Variants in VPS13C observed in about 807,000 individuals in gnomAD.
VPS13C encodes intermembrane lipid transfer protein VPS13C.
In VPS13C, 358 loss-of-function variants were observed where a neutral mutation model predicts 456.8. The ratio of observed to expected loss-of-function variants is 0.78; its 90% CI spans 0.72 to 0.86. VPS13C has a LOEUF of 0.86. Ranked by LOEUF, VPS13C falls within the 40% of genes least tolerant of loss-of-function variation. The pLI is 0.00. For missense variants in VPS13C, 4,818 were observed against 4,385.4 expected (o/e 1.10, Z -2.79); for synonymous variants, 1,578 against 1,486.7 (o/e 1.06, Z -1.41).
intron 9 of VPS13C, among the ~76,000 whole-genome samples, chr15:62,018,009 G>A (rs921133572): frequency 3.3e-5 from 5 of 152,156 alleles, no homozygotes; most frequent in African/African-American, 9.7e-5. Flanking sequence ...CACGTCCCTT[G>A]TAAGTTGGAT....
chr15:61,903,030 T>A (rs985476895), intron 66 of VPS13C, among the ~76,000 whole-genome samples: 2 of 151,700 alleles, frequency 1.3e-5, no homozygotes, highest in Non-Finnish European at 2.9e-5. Context: ...AAAATCAATA[T>A]ATTAAAATCA....
In VPS13C at chr15:61,909,096, A is replaced by G; in HGVS notation, c.8874T>C (p.Thr2958=). 1 of 1,613,830 alleles carries G rather than the reference A, an allele frequency of 6.2e-7. No individual in the cohort carries two copies. Among genetic ancestry groups the G allele is most frequent in the Non-Finnish European group, 8.5e-7 (1 of 1,179,944 alleles). ...AAGTTATGACAGTTGAATGTTCGGC[A>G]GTGTTTACATCCACCAAGATACCCC... The part of the protein sequence containing the change: ...LNGGILVDVN[T]AEHSTVITFS... The change falls in exon 65 of 85, where the codon ACT becomes ACC. Residue 2958 remains threonine (T), a synonymous_variant. Coordinates refer to ENST00000644861, the MANE Select transcript of VPS13C (RefSeq NM_020821.3).
intron 1 of VPS13C, among the ~76,000 whole-genome samples, chr15:62,055,943 A>C (rs114295182): frequency 0.011 from 1,706 of 152,184 alleles, 30 homozygotes; most frequent in African/African-American, 0.039. Context: ...GTTTAGCAGT[A>C]CTCCAGGGTC....
chr15:61,865,027 A>G (rs1894445683), intron 81 of VPS13C: 1 of 984,482 alleles, frequency 1.0e-6, no homozygotes, highest in Non-Finnish European at 1.2e-6. Flanking sequence ...ACCATAATAC[A>G]CTTTAGAAAA....
At chr15:62,041,473 C>T (rs1025388501) in intron 2 of VPS13C, 107 bp from the exon 3 acceptor site, 5 of 1,088,566 alleles carry the variant, frequency 4.6e-6, no homozygotes, top group Admixed American at 5.4e-5. Flanking sequence ...AAAACAAAAA[C>T]CAAATTTTCT....
intron 79 of VPS13C, among the ~76,000 whole-genome samples, chr15:61,870,658 G>T (rs1176765434): frequency 1.3e-5 from 2 of 152,142 alleles, no homozygotes; most frequent in Non-Finnish European, 2.9e-5. Flanking sequence ...GAGTAGAATT[G>T]CTGGGACACA....
At chr15:62,053,771 T>C (rs1217619918) in intron 1 of VPS13C, among the ~76,000 whole-genome samples, 1 of 152,206 alleles carries the variant, frequency 6.6e-6, no homozygotes, top group South Asian at 2.1e-4. Flanking sequence ...TCTCCTTTCT[T>C]ATGCTGCACT....
intron 17 of VPS13C, 23 bp from the exon 18 acceptor site, chr15:61,991,117 GA>G (rs756997751): frequency 6.7e-7 from 1 of 1,499,460 alleles, no homozygotes; most frequent in Non-Finnish European, 9.1e-7. Context: ...AACATTTTAA[GA>G]AATTAATTGC....
chr15:61,955,743 A>G (rs2044970794), intron 37 of VPS13C, among the ~76,000 whole-genome samples: 2 of 152,194 alleles, frequency 1.3e-5, no homozygotes, highest in Non-Finnish European at 2.9e-5. Flanking sequence ...ATTGAAATTA[A>G]CAAATTTTAT....
chr15:62,003,195 T>C (rs916730618), intron 15 of VPS13C, among the ~76,000 whole-genome samples: 2 of 151,820 alleles, frequency 1.3e-5, no homozygotes, highest in African/African-American at 2.4e-5. Flanking sequence ...TTTATTTCAT[T>C]GAGCAGTGGT....
intron 81 of VPS13C, chr15:61,865,790 ATATG>A (rs977075626): frequency 1.3e-6 from 1 of 757,244 alleles, no homozygotes; most frequent in African/African-American, 2.3e-5. Context: ...ATGTGTATAT[ATATG>A]TGTGTGTGTA....
Position 61,872,714 on chromosome 15 carries a change from T to C in VPS13C, c.10578+532A>G, listed in dbSNP as rs1372082597. 2.6e-5 allele frequency among the ~76,000 whole-genome samples: 4 copies of C among 152,226 alleles called. No homozygotes were observed. In the East Asian group the frequency reaches 7.7e-4, roughly 29 times the overall value. ...CTTAAATTGGAAACAGATGAGATGA[T>C]TAGGGTATTCTAGCCTTACTTATAA... On this transcript the variant is annotated intron_variant, in intron 78 of 84. Coordinates refer to ENST00000644861, the MANE Select transcript of VPS13C (RefSeq NM_020821.3).
intron 84 of VPS13C, 135 bp downstream of exon 84, chr15:61,854,736 G>T: frequency 1.0e-6 from 1 of 988,182 alleles, no homozygotes; most frequent in Non-Finnish European, 1.5e-6. Context: ...TGAGTCCACA[G>T]CATATTAAGT....
chr15:61,894,971 CACAAA>C (rs1273126756), intron 66 of VPS13C, among the ~76,000 whole-genome samples: 2 of 152,084 alleles, frequency 1.3e-5, no homozygotes, highest in African/African-American at 4.8e-5. Context: ...TATGGTAGGC[CACAAA>C]ACAAGTCTCA....
chr15:62,024,337 C>G (rs1006269811), intron 6 of VPS13C, among the ~76,000 whole-genome samples: 8 of 152,066 alleles, frequency 5.3e-5, no homozygotes, highest in Non-Finnish European at 1.0e-4. Context: ...TATTTAATGA[C>G]TCAAGGATAT....
chr15:61,890,800 A>G (rs2042626887), intron 66 of VPS13C, among the ~76,000 whole-genome samples: 2 of 152,122 alleles, frequency 1.3e-5, no homozygotes, highest in African/African-American at 4.8e-5. Flanking sequence ...TAATCCCAGC[A>G]CTTTTGGAGG....
intron 75 of VPS13C, 35 bp downstream of exon 75, chr15:61,876,938 T>A (rs1895467098): frequency 1.4e-6 from 2 of 1,479,518 alleles, no homozygotes; most frequent in Non-Finnish European, 1.9e-6. Flanking sequence ...TTTTATGAAG[T>A]ATATTCCTTA....
At chr15:61,989,494 G>A (rs2046159939) in intron 18 of VPS13C, among the ~76,000 whole-genome samples, 1 of 151,868 alleles carries the variant, frequency 6.6e-6, no homozygotes, top group South Asian at 2.1e-4. Flanking sequence ...ACGTTTTTGG[G>A]GAAGATATTA....
In VPS13C at chr15:62,033,502, C is replaced by T. The variant is rs746787803; in HGVS notation, c.324G>A (p.Gln108=). 5.6e-6 allele frequency: 9 copies of T among 1,607,360 alleles called. No individual in the cohort carries two copies. In the South Asian group the frequency reaches 8.9e-5, roughly 16 times the overall value. The change falls in exon 5 of 85, where the codon CAG becomes CAA. Residue 108 remains glutamine, a synonymous_variant. Coordinates refer to ENST00000644861, the MANE Select transcript of VPS13C (RefSeq NM_020821.3). ...GGGATAGCTCTTTCTGTTTAACATC[C>T]TGCAAGGATTTTTCTTCTTTTACAG... ...YDAVKEEKSL[Q]DVKQKELSRI... is the part of the protein sequence containing the mutation.
Sources: gnomAD v4.1 joint callset for allele counts (sites outside exome capture counted in the v4.1 genomes callset) on GRCh38, gnomAD v4.1.1 for gene constraint, MANE v1.5 for transcripts, NCBI Gene and HGNC (gene_info 2026-07-23, HGNC 2026-07-21) for gene names.